Variants in OSBPL3 observed in about 807,000 individuals in gnomAD.
OSBPL3 encodes oxysterol binding protein like 3.
Under a neutral mutation model 120.1 loss-of-function variants are expected in OSBPL3, and 65 were observed. That is an observed-to-expected ratio of 0.54 (90% CI 0.44 to 0.67). OSBPL3 has a LOEUF of 0.67. Among genes scored for constraint, OSBPL3 ranks in the 30% least tolerant of loss-of-function variants. The pLI is 0.00. For synonymous variants in OSBPL3, 416 were observed against 402.6 expected, an observed-to-expected ratio of 1.03 and a Z score of -0.40; for missense variants, 1,004 against 1,082.1, an observed-to-expected ratio of 0.93 and a Z score of 1.01.
At position 24,933,348 on chromosome 7, in the gene OSBPL3, C is replaced by A. The variant is rs1463615766; in HGVS notation, c.-149-40727G>T. The stretch of plus-strand genomic sequence containing the variant: ...AGAACCAACCCATGAAGGTAAAAAG[C>A]AACCTTGCCAACATACACCCTTTAG... On this transcript the variant is annotated intron_variant, in intron 1 of 22. Coordinates refer to ENST00000313367, the MANE Select transcript of OSBPL3 (RefSeq NM_015550.4). This position sits in a 1 kb window ranked among gnomAD's most constrained non-coding sequence, Gnocchi z 5.1. Among the ~76,000 whole-genome samples, 1 of 152,168 alleles carries A rather than the reference C, an allele frequency of 6.6e-6. No homozygotes were observed. The highest frequency in any genetic ancestry group is 1.5e-5 in the Non-Finnish European group (1 of 68,024).
In OSBPL3 at chr7:24,899,265, A is replaced by C. The variant is rs114757101; in HGVS notation, c.-149-6644T>G. 8.8e-3 allele frequency among the ~76,000 whole-genome samples: 1,343 copies of C among 152,252 alleles called. 28 individuals are homozygous for C. Among genetic ancestry groups the C allele is most frequent in the African/African-American group, 0.03 (1,259 of 41,548 alleles). On this transcript the variant is annotated intron_variant, in intron 1 of 22. Transcript: ENST00000313367. The surrounding 1 kb of genome is among the most constrained non-coding windows in gnomAD (Gnocchi z 4.0). ...ACAGAGCAGAAGAGAAGGCAATGAC[A>C]ATCTTCCTGGCCTCAACCACACTGC...
At chr7:24,962,437 G>A (rs1584744835) in intron 1 of OSBPL3, among the ~76,000 whole-genome samples, 1 of 102,376 alleles carries the variant, frequency 9.8e-6, no homozygotes, top group African/African-American at 4.1e-5. Flanking sequence ...AGAGGAGAGA[G>A]GAGGAGAGAG....
In OSBPL3 at chr7:24,843,709, T is replaced by A. The variant is rs372470087; in HGVS notation, c.1267-1296A>T. 3.3e-5 allele frequency among the ~76,000 whole-genome samples: 5 copies of A among 152,210 alleles called. No homozygotes were observed. The East Asian group carries it at 5.8e-4, about 18-fold the overall frequency. Reference sequence around the variant, plus strand: ...ACAATCCTACCCATTTTAATACCCATGTAGCCTTCTGAAAACCAAGCCTCT... The same window carrying A: ...ACAATCCTACCCATTTTAATACCCAAGTAGCCTTCTGAAAACCAAGCCTCT... On this transcript the variant is annotated intron_variant, in intron 12 of 22. Coordinates refer to ENST00000313367, the MANE Select transcript of OSBPL3 (RefSeq NM_015550.4).
upstream of OSBPL3, among the ~76,000 whole-genome samples, chr7:24,980,351 G>A: frequency 6.6e-6 from 1 of 151,986 alleles, no homozygotes; most frequent in East Asian, 1.9e-4. Context: ...GATGTCCTCG[G>A]AAGAAGCCAG....
Position 24,916,695 on chromosome 7 carries a change from A to C in OSBPL3, c.-149-24074T>G, listed in dbSNP as rs533913627. ...TGCTCTAAGGTGAAAGAATCTGCCT[A>C]ATATCATTCCTCCCGACACCATCAT... On this transcript the variant is annotated intron_variant, in intron 1 of 22. Coordinates refer to ENST00000313367, the MANE Select transcript of OSBPL3 (RefSeq NM_015550.4). The surrounding 1 kb of genome is among the most constrained non-coding windows in gnomAD (Gnocchi z 4.9). 5.3e-5 allele frequency among the ~76,000 whole-genome samples: 8 copies of C among 152,094 alleles called. No homozygotes were observed. Among genetic ancestry groups the C allele is most frequent in the African/African-American group, 1.9e-4 (8 of 41,488 alleles).
At position 24,815,260 on chromosome 7, in the gene OSBPL3, A is replaced by C; in HGVS notation, c.2028-57T>G. ...TTCTAGAAGAGCCAGCAGCAAATGC[A>C]AACAAACTCTGCTCTTTTATAAAAT... On this transcript the variant is annotated intron_variant, in intron 18 of 22. Transcript: ENST00000313367. This position sits in a 1 kb window ranked among gnomAD's most constrained non-coding sequence, Gnocchi z 5.1. The C allele has an allele frequency of 7.3e-7, 1 of 1,373,016 alleles. No individual in the cohort carries two copies. Among genetic ancestry groups the C allele is most frequent in the Non-Finnish European group, 1.0e-6 (1 of 971,096 alleles). The allele number at this position is 1,373,016 out of a possible 1,614,324, so 85.1% of individuals were successfully genotyped here. A position where few individuals can be genotyped will look rare whatever the true frequency, so the allele number is the denominator to read the frequency against.
chr7:24,870,932 T>C (rs1480863401), intron 4 of OSBPL3, 87 bp from the exon 5 acceptor site: 1 of 845,764 alleles, frequency 1.2e-6, no homozygotes, highest in South Asian at 1.3e-5. Flanking sequence ...CATCCCCTGA[T>C]AGTAAAATCA....
chr7:24,949,871 T>A (rs1032341497), intron 1 of OSBPL3, among the ~76,000 whole-genome samples: 21 of 152,156 alleles, frequency 1.4e-4, no homozygotes, highest in Non-Finnish European at 2.5e-4. Flanking sequence ...TAAGATCACC[T>A]CCCAAATAAA....
In OSBPL3 at chr7:24,964,614, T is replaced by C. The variant is rs895346086; in HGVS notation, c.-150+15272A>G. Reference sequence around the variant, plus strand: ...TAAGGAGACATGGCAACCAAGATAATGTAGAACCCCACATGGAGTCCTGGA... The same window carrying C: ...TAAGGAGACATGGCAACCAAGATAACGTAGAACCCCACATGGAGTCCTGGA... On this transcript the variant is annotated intron_variant, in intron 1 of 22. Transcript: ENST00000313367. The surrounding 1 kb of genome is among the most constrained non-coding windows in gnomAD (Gnocchi z 4.2). 2.0e-5 allele frequency among the ~76,000 whole-genome samples: 3 copies of C among 152,114 alleles called. No homozygotes were observed. Among genetic ancestry groups the C allele is most frequent in the Non-Finnish European group, 4.4e-5 (3 of 68,020 alleles).
rs535663396 is a variant in OSBPL3, at chr7:24,873,234, G to A, written c.97-1165C>T. Among the ~76,000 whole-genome samples, 5 of 152,336 alleles carry A rather than the reference G, an allele frequency of 3.3e-5. No individual in the cohort carries two copies. The highest frequency in any genetic ancestry group is 1.2e-4 in the African/African-American group (5 of 41,568). ...GGACAGTGAGTCTGAACCAGCACCAGGGAGCAGGAGGCAGTTAGATTCAAG... is the reference window on the plus strand; with the variant it reads ...GGACAGTGAGTCTGAACCAGCACCAAGGAGCAGGAGGCAGTTAGATTCAAG... On this transcript the variant is annotated intron_variant, in intron 2 of 22. Coordinates refer to ENST00000313367, the MANE Select transcript of OSBPL3 (RefSeq NM_015550.4). The surrounding 1 kb of genome is among the most constrained non-coding windows in gnomAD (Gnocchi z 4.1).
chr7:24,967,758 T>C lies in OSBPL3; in HGVS notation c.-150+12128A>G, dbSNP rs1371724634. ...CCTGGGACCTGCCCCAAAGGTTCTA[T>C]AGGTAAAGGCCCCCTTAACTGTCAC... On this transcript the variant is annotated intron_variant, in intron 1 of 22. Coordinates refer to ENST00000313367, the MANE Select transcript of OSBPL3 (RefSeq NM_015550.4). The surrounding 1 kb of genome is among the most constrained non-coding windows in gnomAD (Gnocchi z 5.6). Among the ~76,000 whole-genome samples the C allele has an allele frequency of 2.6e-5, 4 of 152,190 alleles. No individual in the cohort carries two copies. The East Asian group carries it at 7.7e-4, about 29-fold the overall frequency.
At chr7:24,878,754 T>C (rs1016067558) in intron 2 of OSBPL3, among the ~76,000 whole-genome samples, 1 of 152,216 alleles carries the variant, frequency 6.6e-6, no homozygotes, top group African/African-American at 2.4e-5. Context: ...AGAAAGGTAG[T>C]GTATGAGCTC....
intron 1 of OSBPL3, among the ~76,000 whole-genome samples, chr7:24,908,440 T>C (rs972827806): frequency 6.6e-6 from 1 of 152,232 alleles, no homozygotes; most frequent in Non-Finnish European, 1.5e-5. Context: ...CCATAGCCTC[T>C]ATCTGGCCAT....
rs1357521252 is a variant in OSBPL3, at chr7:24,803,703, G to A, written c.2567+612C>T. On this transcript the variant is annotated intron_variant, in intron 22 of 22. Coordinates refer to ENST00000313367, the MANE Select transcript of OSBPL3 (RefSeq NM_015550.4). The surrounding 1 kb of genome is among the most constrained non-coding windows in gnomAD (Gnocchi z 4.2). ...GGAGAATCGCTTGAACCCAGGAGGTGGAGGCTGCAGTGAGTCAAGATGGTG... is the reference window on the plus strand; with the variant it reads ...GGAGAATCGCTTGAACCCAGGAGGTAGAGGCTGCAGTGAGTCAAGATGGTG... Among the ~76,000 whole-genome samples, 3 of 152,054 alleles carry A rather than the reference G, an allele frequency of 2.0e-5. No individual in the cohort carries two copies. Among genetic ancestry groups the A allele is most frequent in the African/African-American group, 7.2e-5 (3 of 41,396 alleles).
intron 2 of OSBPL3, among the ~76,000 whole-genome samples, chr7:24,875,200 T>G (rs1802677984): frequency 6.6e-6 from 1 of 152,208 alleles, no homozygotes; most frequent in African/African-American, 2.4e-5. Context: ...TTTCGCATGG[T>G]TTTTATACAC....
intron 2 of OSBPL3, among the ~76,000 whole-genome samples, chr7:24,890,487 G>A (rs1805179420): frequency 6.6e-6 from 1 of 152,122 alleles, no homozygotes; most frequent in South Asian, 2.1e-4. Context: ...TTGGGTATGG[G>A]GGCCAAGGTG....
intron 1 of OSBPL3, among the ~76,000 whole-genome samples, chr7:24,925,291 C>T (rs1478615538): frequency 1.3e-5 from 2 of 152,174 alleles, no homozygotes; most frequent in Non-Finnish European, 2.9e-5. Flanking sequence ...TGGGCTGACA[C>T]GGGCATGCAC....
intron 1 of OSBPL3, among the ~76,000 whole-genome samples, chr7:24,962,311 G>C (rs1386390198): frequency 6.7e-6 from 1 of 148,664 alleles, no homozygotes; most frequent in Non-Finnish European, 1.5e-5. Context: ...CAGAAATAAA[G>C]AAAGAAAGAC....
In OSBPL3 at chr7:24,959,096, G is replaced by A. The variant is rs938561783; in HGVS notation, c.-150+20790C>T. ...AAAGAAAAGAACAAGTACAGATGTA[G>A]AGCAACTAGAACTATCATAAACTGC... On this transcript the variant is annotated intron_variant, in intron 1 of 22. Coordinates refer to ENST00000313367, the MANE Select transcript of OSBPL3 (RefSeq NM_015550.4). This position sits in a 1 kb window ranked among gnomAD's most constrained non-coding sequence, Gnocchi z 4.3. 5.9e-5 allele frequency among the ~76,000 whole-genome samples: 9 copies of A among 152,136 alleles called. No individual in the cohort carries two copies. The highest frequency in any genetic ancestry group is 1.0e-4 in the Non-Finnish European group (7 of 67,994).
Sources: gnomAD v4.1 joint callset for allele counts (sites outside exome capture counted in the v4.1 genomes callset) on GRCh38, gnomAD v4.1.1 for gene constraint, Gnocchi (gnomAD v3.1) non-coding constraint, MANE v1.5 for transcripts, NCBI Gene and HGNC (gene_info 2026-07-23, HGNC 2026-07-21) for gene names.